The following PALS2 variants were observed in gnomAD, a reference collection of about 807,000 sequenced individuals.
PALS2 encodes the protein protein associated with LIN7 2, MAGUK p55 family member.
Under a neutral mutation model 61.6 loss-of-function variants are expected in PALS2, and 27 were observed. The observed-to-expected ratio is 0.44, with a 90% CI of 0.32 to 0.60. The LOEUF (loss-of-function observed/expected upper bound fraction) is 0.60, where lower values mean the gene tolerates loss of function less well. Among genes scored for constraint, PALS2 ranks in the 20% least tolerant of loss-of-function variants. The pLI is 0.05. For synonymous variants in PALS2, 236 were observed against 218.6 expected, an observed-to-expected ratio of 1.08 and a Z score of -0.70; for missense variants, 554 against 639.4, an observed-to-expected ratio of 0.87 and a Z score of 1.44.
At chr7:24,624,095 T>G (rs576756043) in intron 2 of PALS2, 1 of 1,323,778 alleles carries the variant, frequency 7.6e-7, no homozygotes, top group South Asian at 1.2e-5. Flanking sequence ...CTATTTCCAT[T>G]TTCAACAATG....
At chr7:24,666,128 A>T (rs753827006) in intron 8 of PALS2, 39 bp downstream of exon 8, 2 of 1,525,414 alleles carry the variant, frequency 1.3e-6, no homozygotes, top group African/African-American at 2.7e-5. Flanking sequence ...CAAGTGAAGT[A>T]GCTATATGTC....
At chr7:24,660,117 AT>A (rs1209688451) in intron 5 of PALS2, among the ~76,000 whole-genome samples, 2 of 152,170 alleles carry the variant, frequency 1.3e-5, no homozygotes, top group African/African-American at 4.8e-5. Flanking sequence ...ATTGTTTCAC[AT>A]ATTTTGTCAA....
chr7:24,607,654 C>G (rs533725379), intron 1 of PALS2, among the ~76,000 whole-genome samples: 2 of 145,542 alleles, frequency 1.4e-5, no homozygotes, highest in Non-Finnish European at 3.0e-5. Context: ...TATATGTATG[C>G]GTATGTATAC....
At chr7:24,621,454 C>G (rs1784513614) in intron 1 of PALS2, among the ~76,000 whole-genome samples, 3 of 152,000 alleles carry the variant, frequency 2.0e-5, no homozygotes. Flanking sequence ...ATGAAAAACA[C>G]TATTGATTTT....
chr7:24,579,127 G>C (rs973634014), intron 1 of PALS2, among the ~76,000 whole-genome samples: 1 of 152,206 alleles, frequency 6.6e-6, no homozygotes, highest in Non-Finnish European at 1.5e-5. Context: ...ATCATGAACA[G>C]AGTAATTCTC....
At chr7:24,644,793 A>G (rs1583934568) in intron 3 of PALS2, among the ~76,000 whole-genome samples, 1 of 151,790 alleles carries the variant, frequency 6.6e-6, no homozygotes, top group East Asian at 1.9e-4. Context: ...TTTCTCTGCA[A>G]CCTTAACAGC....
At position 24,573,836 on chromosome 7, in the gene PALS2, G is replaced by A. The variant is rs1161669794; in HGVS notation, c.-3+243G>A. On this transcript the variant is annotated intron_variant, in intron 1 of 11. Coordinates refer to ENST00000222644, the MANE Select transcript of PALS2 (RefSeq NM_001303037.2). This position sits in a 1 kb window ranked among gnomAD's most constrained non-coding sequence, Gnocchi z 5.3. Reference sequence around the variant, plus strand: ...CCCGCGCGGAAGGGGCGCTCGGCCGGGCTCCTGCCTCTCTGGCTGCGGGCG... The same window carrying A: ...CCCGCGCGGAAGGGGCGCTCGGCCGAGCTCCTGCCTCTCTGGCTGCGGGCG... 6.7e-6 allele frequency among the ~76,000 whole-genome samples: 1 copy of A among 150,346 alleles called. No homozygotes were observed. Among genetic ancestry groups the A allele is most frequent in the African/African-American group, 2.4e-5 (1 of 41,224 alleles).
intron 2 of PALS2, among the ~76,000 whole-genome samples, chr7:24,639,381 T>A (rs1785398059): frequency 6.8e-6 from 1 of 148,012 alleles, no homozygotes; most frequent in Non-Finnish European, 1.5e-5. Context: ...ATAGTGTGAG[T>A]ATAATATACC....
At chr7:24,600,599 G>A (rs1783685193) in intron 1 of PALS2, among the ~76,000 whole-genome samples, 1 of 152,142 alleles carries the variant, frequency 6.6e-6, no homozygotes, top group East Asian at 1.9e-4. Flanking sequence ...GATAAACATG[G>A]CAGTAAGTAG....
chr7:24,670,046 A>G (rs968483941), intron 9 of PALS2, among the ~76,000 whole-genome samples: 2 of 151,856 alleles, frequency 1.3e-5, no homozygotes, highest in Admixed American at 6.6e-5. Context: ...TGTTTTTGCT[A>G]TTTCTTTTGG....
chr7:24,680,761 A>G (rs536754213), intron 11 of PALS2, among the ~76,000 whole-genome samples: 22 of 152,098 alleles, frequency 1.4e-4, no homozygotes, highest in African/African-American at 5.3e-4. Flanking sequence ...AGGCCTGGCT[A>G]ATTTTTGTAT....
chr7:24,642,990 A>T lies in PALS2; in HGVS notation c.270+1122A>T, dbSNP rs77932368. 3.3e-3 allele frequency among the ~76,000 whole-genome samples: 497 copies of T among 152,294 alleles called. 2 individuals are homozygous for T. Among genetic ancestry groups the T allele is most frequent in the African/African-American group, 0.011 (466 of 41,576 alleles). ...TGGTTAAGTTCCAAGGCAAGAAATT[A>T]TGATGGCAGTACGTATAGATAGAAA... On this transcript the variant is annotated intron_variant, in intron 3 of 11. Transcript: ENST00000222644.
chr7:24,635,716 G>A (rs1370707015), intron 2 of PALS2, among the ~76,000 whole-genome samples: 2 of 152,068 alleles, frequency 1.3e-5, no homozygotes, highest in Non-Finnish European at 2.9e-5. Flanking sequence ...TTTTGCATAA[G>A]ATTTTATATC....
chr7:24,638,302 C>G (rs1370632133), intron 2 of PALS2, among the ~76,000 whole-genome samples: 2 of 146,428 alleles, frequency 1.4e-5, no homozygotes, highest in Non-Finnish European at 3.0e-5. Flanking sequence ...CTTTTTTTCT[C>G]CCTTCAATTT....
intron 8 of PALS2, among the ~76,000 whole-genome samples, chr7:24,666,610 A>G (rs1787030588): frequency 6.6e-6 from 1 of 152,188 alleles, no homozygotes; most frequent in Non-Finnish European, 1.5e-5. Context: ...AGAAATGGTA[A>G]CTATATGAGG....
chr7:24,627,633 GAAGAA>G (rs1325428321), intron 2 of PALS2, among the ~76,000 whole-genome samples: 1 of 152,018 alleles, frequency 6.6e-6, no homozygotes, highest in Non-Finnish European at 1.5e-5. Flanking sequence ...GACTAGTAAA[GAAGAA>G]AAGAGGGAAG....
At chr7:24,659,177 A>G (rs948816812) in intron 5 of PALS2, among the ~76,000 whole-genome samples, 2 of 152,172 alleles carry the variant, frequency 1.3e-5, no homozygotes, top group Non-Finnish European at 2.9e-5. Flanking sequence ...CTTAAAGGAC[A>G]TTTTATTCTT....
At chr7:24,648,370 G>A (rs147553852) in intron 3 of PALS2, among the ~76,000 whole-genome samples, 5,828 of 141,406 alleles carry the variant, frequency 0.041, 150 homozygotes, top group Non-Finnish European at 0.059. Context: ...TCGGCTCACT[G>A]CAACCTCTGC....
intron 1 of PALS2, among the ~76,000 whole-genome samples, chr7:24,583,995 C>A (rs1474928633): frequency 6.6e-6 from 1 of 150,760 alleles, no homozygotes; most frequent in East Asian, 1.9e-4. Flanking sequence ...ATGAACTCAT[C>A]ATTTTTTATG....
Sources: allele counts gnomAD v4.1 joint callset (sites outside exome capture counted in the v4.1 genomes callset), GRCh38; gene constraint gnomAD v4.1.1; non-coding constraint Gnocchi (gnomAD v3.1); transcripts MANE v1.5; gene names NCBI Gene and HGNC (gene_info 2026-07-23, HGNC 2026-07-21).